BMPER: variants seen among roughly 807,000 people sequenced by gnomAD.
The protein encoded by BMPER is BMP-binding endothelial regulator protein.
BMPER carries 45 observed loss-of-function variants against 87.3 expected under a neutral mutation model. The observed-to-expected ratio is 0.52, with a 90% confidence interval of 0.41 to 0.66. BMPER has a LOEUF of 0.66. BMPER is among the 30% of genes least tolerant of loss of function. The pLI is 0.00. For synonymous variants in BMPER, 326 were observed against 316.2 expected (o/e 1.03, Z -0.33); for missense variants, 784 against 867.5 (o/e 0.90, Z 1.21).
chr7:34,108,089 C>T (rs1484190778), intron 13 of BMPER, among the ~76,000 whole-genome samples: 1 of 152,210 alleles, frequency 6.6e-6, no homozygotes, highest in Non-Finnish European at 1.5e-5. Flanking sequence ...TTTCAGATTA[C>T]AACATGGATC....
chr7:33,991,414 G>T (rs1451873595), intron 6 of BMPER, among the ~76,000 whole-genome samples: 2 of 151,994 alleles, frequency 1.3e-5, no homozygotes, highest in Non-Finnish European at 2.9e-5. Context: ...AGAGGTGTTT[G>T]TAGTATTCTC....
chr7:33,940,955 A>G (rs1784741674), intron 3 of BMPER, among the ~76,000 whole-genome samples: 1 of 134,816 alleles, frequency 7.4e-6, no homozygotes, highest in African/African-American at 2.8e-5. Context: ...TGTAACATAT[A>G]TATTTATATA....
chr7:34,116,109 CAT>C (rs1790111951), intron 13 of BMPER, among the ~76,000 whole-genome samples: 1 of 152,144 alleles, frequency 6.6e-6, no homozygotes, highest in Non-Finnish European at 1.5e-5. Context: ...CACATTTAAA[CAT>C]AATAAATAAC....
At chr7:33,990,457 A>AT (rs1786174285) in intron 6 of BMPER, among the ~76,000 whole-genome samples, 1 of 142,984 alleles carries the variant, frequency 7.0e-6, no homozygotes, top group Non-Finnish European at 1.5e-5. Flanking sequence ...ATTTTTGTAC[A>AT]TTGATTTTGT....
At chr7:34,110,344 GA>G (rs1413748460) in intron 13 of BMPER, among the ~76,000 whole-genome samples, 2 of 152,178 alleles carry the variant, frequency 1.3e-5, no homozygotes, top group Non-Finnish European at 2.9e-5. Flanking sequence ...TGTATTTGTT[GA>G]AGGTGAGGGT....
intron 11 of BMPER, among the ~76,000 whole-genome samples, chr7:34,077,617 G>A (rs1321333593): frequency 6.6e-6 from 1 of 152,172 alleles, no homozygotes; most frequent in Admixed American, 6.5e-5. Context: ...AGTTCCAAAT[G>A]TATGTGCTTT....
chr7:34,085,678 G>T, intron 12 of BMPER, 78 bp from the exon 13 acceptor site: 1 of 1,323,874 alleles, frequency 7.6e-7, no homozygotes, highest in African/African-American at 1.5e-5. Flanking sequence ...CATATGTTCT[G>T]TGTAAGGATG....
At chr7:34,005,674 G>T (rs1174700330) in intron 6 of BMPER, among the ~76,000 whole-genome samples, 1 of 151,868 alleles carries the variant, frequency 6.6e-6, no homozygotes, top group Non-Finnish European at 1.5e-5. Context: ...CAAAGTGCTG[G>T]GATTACAGGT....
chr7:34,036,810 G>C (rs536446037), intron 6 of BMPER, among the ~76,000 whole-genome samples: 1 of 152,244 alleles, frequency 6.6e-6, no homozygotes, highest in Non-Finnish European at 1.5e-5. Flanking sequence ...TTTCATCAGT[G>C]ATTTGTGTGT....
chr7:33,915,366 T>A (rs1025887429), intron 2 of BMPER, among the ~76,000 whole-genome samples: 1 of 152,246 alleles, frequency 6.6e-6, no homozygotes, highest in Non-Finnish European at 1.5e-5. Context: ...TATTAAACTG[T>A]TAATGATGCT....
rs182111524 is a variant in BMPER at position 33,923,479 on chromosome 7, C to T, written c.220-13810C>T. ...CCTAAACTTAAGTCAAATCAGATTT[C>T]CTCTGAGACTTAGGTTGGAAGGTGT... On this transcript the variant is annotated intron_variant, in intron 2 of 14. Coordinates refer to ENST00000649409, the MANE Select transcript of BMPER (RefSeq NM_001365308.1). 4.3e-3 allele frequency among the ~76,000 whole-genome samples: 661 copies of T among 152,286 alleles called. 6 individuals are homozygous for T. The highest frequency in any genetic ancestry group is 0.015 in the African/African-American group (604 of 41,564).
At chr7:34,025,520 T>C (rs1424719104) in intron 6 of BMPER, among the ~76,000 whole-genome samples, 1 of 151,972 alleles carries the variant, frequency 6.6e-6, no homozygotes, top group East Asian at 1.9e-4. Flanking sequence ...TCAGATCCTC[T>C]TTAGGAAGTT....
chr7:33,922,564 G>C (rs191781485), intron 2 of BMPER, among the ~76,000 whole-genome samples: 4 of 152,188 alleles, frequency 2.6e-5, no homozygotes, highest in African/African-American at 9.7e-5. Flanking sequence ...CGTCTCTAGT[G>C]ATAAGCAGAA....
intron 12 of BMPER, among the ~76,000 whole-genome samples, chr7:34,083,892 T>C (rs1789122582): frequency 6.6e-6 from 1 of 151,852 alleles, no homozygotes; most frequent in Non-Finnish European, 1.5e-5. Flanking sequence ...TTAATCTTGA[T>C]CTTTCAGGAA....
At chr7:34,116,036 T>C (rs1254137517) in intron 13 of BMPER, among the ~76,000 whole-genome samples, 1 of 152,256 alleles carries the variant, frequency 6.6e-6, no homozygotes, top group African/African-American at 2.4e-5. Flanking sequence ...ATTATAGTTT[T>C]GGTTTGCATT....
intron 5 of BMPER, among the ~76,000 whole-genome samples, chr7:33,973,635 G>T (rs1785605886): frequency 6.6e-6 from 1 of 152,230 alleles, no homozygotes; most frequent in Non-Finnish European, 1.5e-5. Flanking sequence ...TCTGCAGATG[G>T]CTTTAGCTGG....
chr7:34,085,729 T>C (rs1789181521), intron 12 of BMPER, 27 bp from the exon 13 acceptor site: 1 of 1,583,954 alleles, frequency 6.3e-7, no homozygotes. Context: ...GAGTGATTGA[T>C]TTCCTTTTCC....
At chr7:33,941,330 T>C (rs1354451870) in intron 3 of BMPER, among the ~76,000 whole-genome samples, 2 of 151,132 alleles carry the variant, frequency 1.3e-5, no homozygotes, top group African/African-American at 4.9e-5. Context: ...TTTAACACAG[T>C]GGTTCCCAAC....
At chr7:33,910,357 G>A (rs1783928471) in intron 2 of BMPER, among the ~76,000 whole-genome samples, 1 of 152,190 alleles carries the variant, frequency 6.6e-6, no homozygotes, top group Non-Finnish European at 1.5e-5. Flanking sequence ...GCTGAGAAGA[G>A]AGCCAGCCAC....
Sources: allele counts gnomAD v4.1 joint callset (sites outside exome capture counted in the v4.1 genomes callset), GRCh38; gene constraint gnomAD v4.1.1; transcripts MANE v1.5; gene names NCBI Gene and HGNC (gene_info 2026-07-23, HGNC 2026-07-21).